ANKRD28: variants seen among roughly 807,000 people sequenced by gnomAD.
The protein encoded by ANKRD28 is ankyrin repeat domain 28, also known as serine/threonine-protein phosphatase 6 regulatory ankyrin repeat subunit A.
Under a neutral mutation model 126.5 loss-of-function variants are expected in ANKRD28, and 44 were observed. That is an observed-to-expected ratio of 0.35 (90% confidence interval 0.27 to 0.45). The LOEUF is 0.45. Ranked by LOEUF, ANKRD28 falls within the 20% of genes least tolerant of loss-of-function variation. The probability of loss-of-function intolerance (pLI) is 1.00; values close to 1 mark genes in which losing one functional copy is unlikely to be tolerated. For missense variants in ANKRD28, 1,110 were observed against 1,316.6 expected (o/e 0.84, Z 2.43); for synonymous variants, 442 against 468.5 (o/e 0.94, Z 0.73).
chr3:15,787,874 G>A (rs760518342), intron 2 of ANKRD28, among the ~76,000 whole-genome samples: 5 of 152,178 alleles, frequency 3.3e-5, no homozygotes, highest in East Asian at 1.9e-4. Flanking sequence ...TTGAAAACAA[G>A]GGATAATAAT....
At chr3:15,720,336 A>G (rs2073576457) in intron 8 of ANKRD28, among the ~76,000 whole-genome samples, 1 of 152,174 alleles carries the variant, frequency 6.6e-6, no homozygotes, top group African/African-American at 2.4e-5. Flanking sequence ...TACCATCTAA[A>G]TTGTACCACT....
Position 15,669,396 on chromosome 3 carries a change from TC to T in ANKRD28, c.*873del, listed in dbSNP as rs996875377. On this transcript the variant is annotated 3_prime_UTR_variant, in exon 28 of 28. Coordinates refer to ENST00000683139, the MANE Select transcript of ANKRD28 (RefSeq NM_001349278.2). ...GGGTGAAATAGTCTACTTTTTGATT[TC>T]ATGAATTTTTTTCTAGGAAATTCTT... is the stretch of plus-strand genomic sequence containing the variant. 8 of 152,134 alleles carry T rather than the reference TC, an allele frequency of 5.3e-5. No homozygotes were observed. The allele number at this position is 152,134 out of a possible 1,614,324, so 9.4% of individuals were successfully genotyped here. A position where few individuals can be genotyped will look rare whatever the true frequency, so the allele number is the denominator to read the frequency against.
At chr3:15,671,786 T>C (rs2066392130) in intron 27 of ANKRD28, among the ~76,000 whole-genome samples, 1 of 152,054 alleles carries the variant, frequency 6.6e-6, no homozygotes, top group Admixed American at 6.6e-5. Context: ...GATTTCGCTA[T>C]GTTGGCCAGG....
At chr3:15,774,670 T>C (rs182557750) in intron 2 of ANKRD28, among the ~76,000 whole-genome samples, 12 of 152,260 alleles carry the variant, frequency 7.9e-5, no homozygotes, top group Non-Finnish European at 1.5e-4. Context: ...ATTAACTATT[T>C]TTAAAAAACT....
At chr3:15,785,854 G>C (rs963374052) in intron 2 of ANKRD28, among the ~76,000 whole-genome samples, 3 of 151,838 alleles carry the variant, frequency 2.0e-5, no homozygotes, top group Non-Finnish European at 4.4e-5. Flanking sequence ...TCAGATAATG[G>C]ATTAAAAAGA....
Position 15,696,676 on chromosome 3 carries a change from T to C in ANKRD28, c.1548-431A>G, listed in dbSNP as rs368168722. ...TTTCATCATGAAGCTCAAGAAAGGA[T>C]GTTAAACAAAACAAAACCTCAAGAA... On this transcript the variant is annotated intron_variant, in intron 14 of 27. Coordinates refer to ENST00000683139, the MANE Select transcript of ANKRD28 (RefSeq NM_001349278.2). Among the ~76,000 whole-genome samples, 38 of 152,192 alleles carry C rather than the reference T, an allele frequency of 2.5e-4. No individual in the cohort carries two copies. The South Asian group carries it at 4.8e-3, about 19-fold the overall frequency.
chr3:15,859,496 T>G, exon 1 of ANKRD28: 1 of 1,237,374 alleles, frequency 8.1e-7, no homozygotes, highest in Non-Finnish European at 1.1e-6. Flanking sequence ...CCAGTAGCCT[T>G]GGCCGCTGCC....
intron 8 of ANKRD28, among the ~76,000 whole-genome samples, chr3:15,717,974 GA>G (rs1048936606): frequency 1.3e-5 from 2 of 151,966 alleles, no homozygotes; most frequent in Non-Finnish European, 2.9e-5. Flanking sequence ...GATTAAGCAG[GA>G]AAAAAGAGAT....
chr3:15,753,896 A>G (rs1339807892), intron 3 of ANKRD28, among the ~76,000 whole-genome samples: 2 of 152,142 alleles, frequency 1.3e-5, no homozygotes, highest in African/African-American at 2.4e-5. Flanking sequence ...GTGAGCCGAG[A>G]TTGCACCACA....
chr3:15,716,968 T>A (rs1465033530), intron 8 of ANKRD28, among the ~76,000 whole-genome samples: 1 of 152,068 alleles, frequency 6.6e-6, no homozygotes, highest in Non-Finnish European at 1.5e-5. Flanking sequence ...TCTCCCCATC[T>A]CCCTTCCTCC....
At chr3:15,709,827 A>G in intron 12 of ANKRD28, 91 bp from the exon 13 acceptor site, 1 of 750,126 alleles carries the variant, frequency 1.3e-6, no homozygotes, top group Non-Finnish European at 2.1e-6. Flanking sequence ...GCATGTTTTT[A>G]TATGAAGATA....
At chr3:15,719,421 G>A (rs1439043153) in intron 8 of ANKRD28, among the ~76,000 whole-genome samples, 1 of 152,114 alleles carries the variant, frequency 6.6e-6, no homozygotes, top group African/African-American at 2.4e-5. Flanking sequence ...GTGCTCAAAG[G>A]ATGAATTGAT....
Position 15,670,507 on chromosome 3 carries a change from G to C in ANKRD28, c.3015C>G (p.Cys1005Trp). The C allele has an allele frequency of 6.2e-7, 1 of 1,613,920 alleles. No homozygotes were observed. The highest frequency in any genetic ancestry group is 8.5e-7 in the Non-Finnish European group (1 of 1,179,860). The change falls in exon 28 of 28, where the codon TGC becomes TGG. Residue 1005 changes from cysteine to tryptophan, a missense_variant. Transcript: ENST00000683139. ...ACAPNKDVAD[C>W]LALILATMMP... ...TCATGGTGGCCAAAATGAGAGCCAGGCAATCAGCCACATCCTTATTGGGAG... is the reference window on the plus strand; with the variant it reads ...TCATGGTGGCCAAAATGAGAGCCAGCCAATCAGCCACATCCTTATTGGGAG...
intron 2 of ANKRD28, among the ~76,000 whole-genome samples, chr3:15,790,667 A>AGGTC (rs2059985347): frequency 6.6e-6 from 1 of 152,152 alleles, no homozygotes; most frequent in Non-Finnish European, 1.5e-5. Flanking sequence ...CATATATGAC[A>AGGTC]GACCCACAGC....
Position 15,709,744 on chromosome 3 carries a change from G to A in ANKRD28, c.1338-8C>T. On this transcript the variant is annotated splice_region_variant and splice_polypyrimidine_tract_variant and intron_variant, in intron 12 of 27. Coordinates refer to ENST00000683139, the MANE Select transcript of ANKRD28 (RefSeq NM_001349278.2). ...TTTAGGCACTCCAAATTCCTATTGA[G>A]AGAAAATACAGTTAGAAAACTTAAT... 2 of 1,545,438 alleles carry A rather than the reference G, an allele frequency of 1.3e-6. No homozygotes were observed. Among genetic ancestry groups the A allele is most frequent in the Non-Finnish European group, 1.7e-6 (2 of 1,143,052 alleles).
At chr3:15,760,141 T>G (rs551218818) in intron 3 of ANKRD28, among the ~76,000 whole-genome samples, 4 of 152,084 alleles carry the variant, frequency 2.6e-5, no homozygotes, top group African/African-American at 7.2e-5. Context: ...AACTAAATGA[T>G]GAGAACATAT....
At chr3:15,827,007 T>A (rs1374283712) in intron 1 of ANKRD28, among the ~76,000 whole-genome samples, 1 of 152,144 alleles carries the variant, frequency 6.6e-6, no homozygotes, top group African/African-American at 2.4e-5. Flanking sequence ...GCCAAGTATA[T>A]ATTTTTTAAA....
At chr3:15,694,620 CATG>C in intron 17 of ANKRD28, 116 bp downstream of exon 17, 1 of 628,798 alleles carries the variant, frequency 1.6e-6, no homozygotes, top group Non-Finnish European at 2.6e-6. Flanking sequence ...GTTTTAATTC[CATG>C]ATAACTATTA....
At chr3:15,757,583 G>A (rs1275038714) in intron 3 of ANKRD28, among the ~76,000 whole-genome samples, 1 of 152,070 alleles carries the variant, frequency 6.6e-6, no homozygotes, top group Admixed American at 6.6e-5. Flanking sequence ...GCAGTGAATG[G>A]GATTAATGCC....
Sources: allele counts gnomAD v4.1 joint callset (sites outside exome capture counted in the v4.1 genomes callset), GRCh38; gene constraint gnomAD v4.1.1; transcripts MANE v1.5; gene names NCBI Gene and HGNC (gene_info 2026-07-23, HGNC 2026-07-21).